The following DACH1 variants were observed in gnomAD, a reference collection of about 807,000 sequenced individuals.
DACH1 encodes the protein dachshund homolog 1.
In DACH1, 12 loss-of-function variants were observed where a neutral mutation model predicts 54.2. That is an observed-to-expected ratio of 0.22 (90% CI 0.14 to 0.36). The LOEUF is 0.36. Among genes scored for constraint, DACH1 ranks in the 10% least tolerant of loss-of-function variants. The pLI is 1.00. For synonymous variants in DACH1, 386 were observed against 366.2 expected (o/e 1.05, Z -0.62); for missense variants, 805 against 929.8 (o/e 0.87, Z 1.75).
At chr13:71,521,120 T>C (rs981077152) in intron 6 of DACH1, among the ~76,000 whole-genome samples, 3 of 152,026 alleles carry the variant, frequency 2.0e-5, no homozygotes, top group Admixed American at 6.6e-5. Context: ...CCACATGACC[T>C]TGGACTCTGT....
chr13:71,791,995 T>G lies in DACH1; in HGVS notation c.848+73927A>C, dbSNP rs546743133. On this transcript the variant is annotated intron_variant, in intron 1 of 10. Coordinates refer to ENST00000613252, the MANE Select transcript of DACH1 (RefSeq NM_080759.6). ...CTTTTCCATGGAGGGACACTCTAACTGTATCACTCATTTGGTACATGATGA... is the reference window on the plus strand; with the variant it reads ...CTTTTCCATGGAGGGACACTCTAACGGTATCACTCATTTGGTACATGATGA... 7.4e-4 allele frequency among the ~76,000 whole-genome samples: 112 copies of G among 152,316 alleles called. 1 individual carries two copies. Among genetic ancestry groups the G allele is most frequent in the African/African-American group, 2.6e-3 (107 of 41,586 alleles).
chr13:71,598,818 C>T (rs990205863), intron 3 of DACH1, among the ~76,000 whole-genome samples: 3 of 152,272 alleles, frequency 2.0e-5, no homozygotes, highest in Admixed American at 1.3e-4. Flanking sequence ...GACTCTCCCT[C>T]GGCGATGGTG....
At chr13:71,665,861 C>T (rs1594070368) in intron 2 of DACH1, among the ~76,000 whole-genome samples, 2 of 151,934 alleles carry the variant, frequency 1.3e-5, no homozygotes. Flanking sequence ...CCAATTGGGC[C>T]CTTCATTTCC....
rs1203166780 is a variant in DACH1, at chr13:71,630,624, C to T, written c.1058G>A (p.Ser353Asn). 5.0e-6 allele frequency: 8 copies of T among 1,611,862 alleles called. No individual in the cohort carries two copies. Among genetic ancestry groups the T allele is most frequent in the Non-Finnish European group, 6.8e-6 (8 of 1,179,312 alleles). The change falls in exon 3 of 11, where the codon AGC becomes AAC. Residue 353 changes from serine (S) to asparagine (N), a missense_variant. Physicochemically the swap from Ser to Asn is conservative, Grantham distance 46 (BLOSUM62 1). Coordinates refer to ENST00000613252, the MANE Select transcript of DACH1 (RefSeq NM_080759.6). ...KVKKIKLEAM[S>N]NYHASNNQHG... ...TTGGTTATTACTGGCATGATAGTTG[C>T]TCATGGCTTCTAATTTGATTTTTTT... is the stretch of plus-strand genomic sequence containing the variant.
At chr13:71,472,393 AC>A (rs1877159836) in intron 10 of DACH1, among the ~76,000 whole-genome samples, 1 of 152,160 alleles carries the variant, frequency 6.6e-6, no homozygotes, top group Non-Finnish European at 1.5e-5. Context: ...TATTTAGTCT[AC>A]CCAGAGGTGC....
At chr13:71,560,485 A>G (rs1884516757) in intron 4 of DACH1, among the ~76,000 whole-genome samples, 1 of 152,140 alleles carries the variant, frequency 6.6e-6, no homozygotes, top group African/African-American at 2.4e-5. Context: ...GAAATGGATT[A>G]TTATTTAATA....
intron 6 of DACH1, among the ~76,000 whole-genome samples, chr13:71,498,147 A>T (rs1879602670): frequency 6.6e-6 from 1 of 152,172 alleles, no homozygotes; most frequent in Non-Finnish European, 1.5e-5. Context: ...TTTAATGCAT[A>T]TGTATTCCAC....
chr13:71,456,142 G>A (rs1194463503), intron 10 of DACH1, among the ~76,000 whole-genome samples: 1 of 151,912 alleles, frequency 6.6e-6, no homozygotes, highest in Non-Finnish European at 1.5e-5. Context: ...TGAAAGTTCC[G>A]GTTTGTTCTC....
intron 6 of DACH1, among the ~76,000 whole-genome samples, chr13:71,529,333 C>T (rs1262105434): frequency 6.6e-6 from 1 of 151,800 alleles, no homozygotes; most frequent in Non-Finnish European, 1.5e-5. Flanking sequence ...ACTGTGGGCG[C>T]TTGACACCAC....
intron 2 of DACH1, among the ~76,000 whole-genome samples, chr13:71,636,606 G>A (rs1045457512): frequency 2.7e-5 from 4 of 150,012 alleles, no homozygotes; most frequent in Middle Eastern, 3.5e-3. Context: ...AAAATGGATT[G>A]AGAAAGGTTT....
At chr13:71,512,162 A>T (rs190755200) in intron 6 of DACH1, among the ~76,000 whole-genome samples, 162 of 151,600 alleles carry the variant, frequency 1.1e-3, no homozygotes, top group African/African-American at 3.7e-3. Flanking sequence ...TCAAATACCA[A>T]TTTTTTTTGA....
At chr13:71,705,989 T>C (rs1371958660) in intron 1 of DACH1, among the ~76,000 whole-genome samples, 1 of 152,018 alleles carries the variant, frequency 6.6e-6, no homozygotes, top group Non-Finnish European at 1.5e-5. Flanking sequence ...TTTTTCTTTT[T>C]AGAAACTATC....
chr13:71,827,185 T>C (rs1594270605), intron 1 of DACH1, among the ~76,000 whole-genome samples: 2 of 152,194 alleles, frequency 1.3e-5, no homozygotes, highest in South Asian at 2.1e-4. Context: ...TCCATTTTTA[T>C]GCCTCTAAAC....
chr13:71,489,218 C>A, intron 6 of DACH1, 70 bp from the exon 7 acceptor site: 2 of 1,513,464 alleles, frequency 1.3e-6, no homozygotes, highest in Non-Finnish European at 1.8e-6. Context: ...TCAGTAATGG[C>A]TTCCCTAGTG....
chr13:71,748,867 TTTC>T (rs1459970257), intron 1 of DACH1, among the ~76,000 whole-genome samples: 21 of 23,376 alleles, frequency 9.0e-4, no homozygotes, highest in Admixed American at 1.9e-3. Context: ...TCTTTCTTTC[TTTC>T]TTTCTTTCTT....
chr13:71,554,922 G>A (rs1314678281), intron 6 of DACH1, among the ~76,000 whole-genome samples: 1 of 152,192 alleles, frequency 6.6e-6, no homozygotes, highest in Admixed American at 6.5e-5. Flanking sequence ...TCAATTCAAA[G>A]GATAACATTG....
At chr13:71,823,647 T>C (rs1214780893) in intron 1 of DACH1, among the ~76,000 whole-genome samples, 2 of 151,888 alleles carry the variant, frequency 1.3e-5, no homozygotes, top group Non-Finnish European at 2.9e-5. Context: ...AAGAAAGCAA[T>C]TGTAGATAAA....
chr13:71,775,677 A>T (rs1446460556), intron 1 of DACH1, among the ~76,000 whole-genome samples: 1 of 152,168 alleles, frequency 6.6e-6, no homozygotes, highest in African/African-American at 2.4e-5. Context: ...TATTATTAAG[A>T]TTATTTGAAG....
chr13:71,545,015 GCTGT>G (rs1883366765), intron 6 of DACH1, among the ~76,000 whole-genome samples: 1 of 151,984 alleles, frequency 6.6e-6, no homozygotes, highest in African/African-American at 2.4e-5. Context: ...ACTTCTATGA[GCTGT>G]CTGTTTTCTG....
Sources: allele counts gnomAD v4.1 joint callset (sites outside exome capture counted in the v4.1 genomes callset), GRCh38; gene constraint gnomAD v4.1.1; transcripts MANE v1.5; gene names NCBI Gene and HGNC (gene_info 2026-07-23, HGNC 2026-07-21).